Variants in ITGA9 observed in about 807,000 individuals in gnomAD.
ITGA9 encodes the protein integrin alpha-9.
In ITGA9, 56 loss-of-function variants were observed where a neutral mutation model predicts 127.8. That is an observed-to-expected ratio of 0.44 (90% CI 0.35 to 0.55). The LOEUF is 0.55. Among genes scored for constraint, ITGA9 ranks in the 20% least tolerant of loss-of-function variants. ITGA9 has a pLI of 0.00. For synonymous variants in ITGA9, 508 were observed against 514.5 expected (o/e 0.99, Z 0.17); for missense variants, 1,196 against 1,347.1 (o/e 0.89, Z 1.76).
chr3:37,769,912 G>A (rs1696822985), intron 23 of ITGA9, among the ~76,000 whole-genome samples: 1 of 152,176 alleles, frequency 6.6e-6, no homozygotes, highest in African/African-American at 2.4e-5. Context: ...GCTTCAGTAT[G>A]TGGAATAGCT....
At chr3:37,721,466 C>T (rs1400992280) in intron 18 of ITGA9, among the ~76,000 whole-genome samples, 4 of 152,198 alleles carry the variant, frequency 2.6e-5, no homozygotes, top group Non-Finnish European at 5.9e-5. Flanking sequence ...TTAGCAGTTA[C>T]ATGGTTCATC....
At chr3:37,474,127 C>T (rs1559515094) in intron 3 of ITGA9, among the ~76,000 whole-genome samples, 1 of 152,056 alleles carries the variant, frequency 6.6e-6, no homozygotes, top group Non-Finnish European at 1.5e-5. Flanking sequence ...ATTTATCGGA[C>T]CTCCAAAGCA....
chr3:37,523,734 A>T, intron 12 of ITGA9, 123 bp downstream of exon 12: 1 of 774,766 alleles, frequency 1.3e-6, no homozygotes, highest in Non-Finnish European at 2.3e-6. Context: ...ACACAATAGA[A>T]TAGGGTGTTT....
At chr3:37,572,116 C>G (rs1699607823) in intron 15 of ITGA9, among the ~76,000 whole-genome samples, 1 of 152,062 alleles carries the variant, frequency 6.6e-6, no homozygotes, top group Admixed American at 6.5e-5. Context: ...GGATCCTGCC[C>G]TGTAAACATG....
At chr3:37,562,140 C>T (rs1332810324) in intron 15 of ITGA9, among the ~76,000 whole-genome samples, 1 of 152,206 alleles carries the variant, frequency 6.6e-6, no homozygotes, top group Non-Finnish European at 1.5e-5. Flanking sequence ...CTCTGGCCTT[C>T]TGGTTGTGGG....
At chr3:37,462,718 A>G (rs986681115) in intron 1 of ITGA9, among the ~76,000 whole-genome samples, 5 of 152,210 alleles carry the variant, frequency 3.3e-5, no homozygotes, top group Non-Finnish European at 7.3e-5. Flanking sequence ...GCTTCTTCGG[A>G]GGGCATTTGT....
At chr3:37,503,374 T>G in intron 6 of ITGA9, 67 bp downstream of exon 6, 3 of 1,568,380 alleles carry the variant, frequency 1.9e-6, no homozygotes, top group Non-Finnish European at 2.6e-6. Context: ...GATTCACAAA[T>G]TATTGCTTCA....
intron 16 of ITGA9, among the ~76,000 whole-genome samples, chr3:37,642,613 A>C (rs1052940693): frequency 2.0e-5 from 3 of 152,226 alleles, no homozygotes; most frequent in African/African-American, 7.2e-5. Flanking sequence ...GCAGTGACAT[A>C]TCTATACCAC....
chr3:37,580,082 G>A (rs543867859), intron 15 of ITGA9, among the ~76,000 whole-genome samples: 20 of 152,310 alleles, frequency 1.3e-4, no homozygotes, highest in East Asian at 9.6e-4. Context: ...AGTACTACCT[G>A]ATTCCAGATA....
chr3:37,594,998 C>T (rs1471170282), intron 15 of ITGA9, among the ~76,000 whole-genome samples: 1 of 152,132 alleles, frequency 6.6e-6, no homozygotes, highest in Admixed American at 6.5e-5. Flanking sequence ...GAGTAGAAAC[C>T]AGAGTGGTGA....
At chr3:37,734,795 A>G (rs146833877) in intron 19 of ITGA9, among the ~76,000 whole-genome samples, 1 of 152,208 alleles carries the variant, frequency 6.6e-6, no homozygotes, top group African/African-American at 2.4e-5. Flanking sequence ...CCCAGCCAAC[A>G]TTTATTAGAT....
intron 26 of ITGA9, chr3:37,790,028 G>A: frequency 3.4e-6 from 2 of 579,796 alleles, no homozygotes; most frequent in South Asian, 1.5e-5. Flanking sequence ...TGGTATTCTT[G>A]CGCTATTTTC....
At chr3:37,711,560 C>T (rs897913092) in intron 18 of ITGA9, among the ~76,000 whole-genome samples, 29 of 152,144 alleles carry the variant, frequency 1.9e-4, no homozygotes, top group African/African-American at 5.3e-4. Context: ...CGTGCCACCA[C>T]GTCCTGCTCA....
chr3:37,543,336 T>C (rs1470316116), intron 15 of ITGA9, among the ~76,000 whole-genome samples: 1 of 151,918 alleles, frequency 6.6e-6, no homozygotes, highest in Non-Finnish European at 1.5e-5. Flanking sequence ...ACATGGTGGG[T>C]GGAATGAGCA....
At chr3:37,787,965 G>A (rs1436365296) in intron 26 of ITGA9, among the ~76,000 whole-genome samples, 1 of 152,072 alleles carries the variant, frequency 6.6e-6, no homozygotes. Context: ...TTTTTTAATA[G>A]GAGTTTTAAA....
At chr3:37,527,857 C>T (rs1699109236) in intron 13 of ITGA9, among the ~76,000 whole-genome samples, 1 of 151,970 alleles carries the variant, frequency 6.6e-6, no homozygotes. Context: ...GTGATCTCAG[C>T]TCACCACAAC....
At chr3:37,502,240 A>T in intron 5 of ITGA9, among the ~76,000 whole-genome samples, 1 of 116,730 alleles carries the variant, frequency 8.6e-6, no homozygotes. Context: ...TTTTTGGCAG[A>T]GTCTTGCTAT....
chr3:37,808,633 C>T (rs1253420981), intron 27 of ITGA9: 1 of 152,166 alleles, frequency 6.6e-6, no homozygotes, highest in East Asian at 1.9e-4. Context: ...GGTCAGGGAT[C>T]CAGGAAGGGT....
At chr3:37,664,045 C>T (rs1700561999) in intron 17 of ITGA9, among the ~76,000 whole-genome samples, 1 of 152,156 alleles carries the variant, frequency 6.6e-6, no homozygotes, top group Non-Finnish European at 1.5e-5. Context: ...TGCAGAGGCT[C>T]AGGAAGGCCA....
Sources: gnomAD v4.1 joint callset for allele counts (sites outside exome capture counted in the v4.1 genomes callset) on GRCh38, gnomAD v4.1.1 for gene constraint, MANE v1.5 for transcripts, NCBI Gene and HGNC (gene_info 2026-07-23, HGNC 2026-07-21) for gene names.